ANKRD31: variants seen among roughly 807,000 people sequenced by gnomAD.
ANKRD31 encodes the protein ankyrin repeat domain-containing protein 31.
ANKRD31 carries 147 observed loss-of-function variants against 186.0 expected under a neutral mutation model. That is an observed-to-expected ratio of 0.79 (90% CI 0.69 to 0.91). The LOEUF (loss-of-function observed/expected upper bound fraction) is 0.91, where lower values mean the gene tolerates loss of function less well. Among genes scored for constraint, ANKRD31 ranks in the 40% least tolerant of loss-of-function variants. ANKRD31 has a pLI of 0.00. For synonymous variants in ANKRD31, 673 were observed against 736.4 expected (o/e 0.91, Z 1.39); for missense variants, 1,986 against 2,148.8 (o/e 0.92, Z 1.50).
chr5:75,137,027 G>C (rs528862548), intron 17 of ANKRD31, among the ~76,000 whole-genome samples: 4 of 152,038 alleles, frequency 2.6e-5, no homozygotes, highest in South Asian at 2.1e-4. Context: ...GTGGGGGTAG[G>C]GGGGAGGGAT....
chr5:75,137,413 AAAAC>A (rs1313442311), intron 17 of ANKRD31, among the ~76,000 whole-genome samples: 1 of 152,176 alleles, frequency 6.6e-6, no homozygotes, highest in Non-Finnish European at 1.5e-5. Context: ...TTGATAAAGA[AAAAC>A]AAAAGAGAAA....
At chr5:75,072,332 G>A (rs4704170) in intron 25 of ANKRD31, among the ~76,000 whole-genome samples, 14,849 of 151,706 alleles carry the variant, frequency 0.098, 756 homozygotes, top group East Asian at 0.14. Flanking sequence ...GCTCCTTAAG[G>A]GGACAGACAG....
At position 75,084,308 on chromosome 5, in the gene ANKRD31, T is replaced by C. The variant is rs963721806; in HGVS notation, c.5539A>G (p.Asn1847Asp). 3.3e-6 allele frequency: 5 copies of C among 1,537,024 alleles called. No individual in the cohort carries two copies. In the Middle Eastern group the frequency reaches 6.7e-4, roughly 205 times the overall value. Residue 1847 changes from asparagine (N) to aspartate (D), a missense_variant, in exon 24 of 26, where the codon AAC becomes GAC. By Grantham distance (23) the Asn-to-Asp change is conservative. Transcript: ENST00000506364. ...GGTTGATATTGCTGAGGTACTGAGTTTGGTTCTGGAAGTATGGGTGCATCC... is the reference window on the plus strand; with the variant it reads ...GGTTGATATTGCTGAGGTACTGAGTCTGGTTCTGGAAGTATGGGTGCATCC... ...SEDAPILPEPNSVPQQYQPCL... is the reference protein window; with the variant it reads ...SEDAPILPEPDSVPQQYQPCL...
At chr5:75,147,527 T>G (rs1013077349) in intron 13 of ANKRD31, 22 bp from the exon 14 acceptor site, 6 of 1,368,874 alleles carry the variant, frequency 4.4e-6, no homozygotes, top group Non-Finnish European at 5.7e-6. Flanking sequence ...AAATACATAG[T>G]TAGCTTTAAT....
intron 11 of ANKRD31, among the ~76,000 whole-genome samples, chr5:75,161,078 C>A (rs1752544173): frequency 6.6e-6 from 1 of 152,056 alleles, no homozygotes; most frequent in Non-Finnish European, 1.5e-5. Flanking sequence ...TGAAAAGATA[C>A]CTGAAAATGT....
chr5:75,102,634 G>T (rs1175852777), intron 22 of ANKRD31, among the ~76,000 whole-genome samples: 1 of 152,204 alleles, frequency 6.6e-6, no homozygotes, highest in Non-Finnish European at 1.5e-5. Context: ...AGCAATGGCG[G>T]ACGCCACTCC....
intron 6 of ANKRD31, 59 bp from the exon 7 acceptor site, chr5:75,196,259 G>A (rs958611643): frequency 2.4e-6 from 3 of 1,254,258 alleles, no homozygotes; most frequent in Middle Eastern, 2.6e-4. Context: ...TATTTAAAAT[G>A]AAAACTTTAT....
At chr5:75,177,911 A>G (rs1753944248) in intron 10 of ANKRD31, among the ~76,000 whole-genome samples, 1 of 152,216 alleles carries the variant, frequency 6.6e-6, no homozygotes, top group South Asian at 2.1e-4. Flanking sequence ...AATGGGCTAA[A>G]TGCTCCAATT....
intron 25 of ANKRD31, among the ~76,000 whole-genome samples, chr5:75,069,441 T>G (rs183997484): frequency 1.0e-3 from 81 of 81,134 alleles, no homozygotes; most frequent in Non-Finnish European, 1.5e-3. Context: ...ACCTCCTGAT[T>G]TGCTTAGATC....
At chr5:75,086,748 C>T (rs961208998) in intron 23 of ANKRD31, among the ~76,000 whole-genome samples, 1 of 152,174 alleles carries the variant, frequency 6.6e-6, no homozygotes, top group African/African-American at 2.4e-5. Flanking sequence ...GTGTTTTGTC[C>T]TAAGGCCACT....
intron 17 of ANKRD31, among the ~76,000 whole-genome samples, chr5:75,131,126 C>G (rs946779781): frequency 2.6e-5 from 4 of 152,164 alleles, no homozygotes; most frequent in African/African-American, 9.7e-5. Context: ...CCCGTGAGCA[C>G]CACACGCAGC....
intron 20 of ANKRD31, 77 bp downstream of exon 20, chr5:75,112,436 T>C (rs1747862830): frequency 1.0e-6 from 1 of 986,428 alleles, no homozygotes; most frequent in South Asian, 1.8e-5. Flanking sequence ...TTTGTGAGCT[T>C]TGAAATAAAT....
Position 75,112,570 on chromosome 5 carries a change from T to C in ANKRD31, c.4186A>G (p.Ile1396Val), listed in dbSNP as rs1178486356. Residue 1396 changes from isoleucine (I) to valine (V), a missense_variant, in exon 20 of 26, where the codon ATA (isoleucine) becomes GTA (valine). By Grantham distance (29) the Ile-to-Val change is conservative. Coordinates refer to ENST00000506364, the MANE Select transcript of ANKRD31 (RefSeq NM_001372053.1). ...AATAAATATTCTTGTTTTTCTTCTA[T>C]ATCTTGTAGAATGGCACTGAGGGTC... ...HQTLSAILQDIEEKQEYLLEF... is the reference protein window; with the variant it reads ...HQTLSAILQDVEEKQEYLLEF... 3.3e-6 allele frequency: 5 copies of C among 1,525,848 alleles called. No individual in the cohort carries two copies. The highest frequency in any genetic ancestry group is 2.0e-5 in the Admixed American group (1 of 50,380). 94.5% of individuals were successfully genotyped at this position (1,525,848 alleles called of 1,614,324 possible).
In ANKRD31 at chr5:75,112,641, A is replaced by G. The variant is rs746378765; in HGVS notation, c.4156-41T>C. 3 of 1,268,330 alleles carry G rather than the reference A, an allele frequency of 2.4e-6. No individual in the cohort carries two copies. The South Asian group carries it at 4.3e-5, about 18-fold the overall frequency. 78.6% of individuals were successfully genotyped at this position (1,268,330 alleles called of 1,614,324 possible). A position where few individuals can be genotyped will look rare whatever the true frequency, so the allele number is the denominator to read the frequency against. On this transcript the variant is annotated intron_variant, in intron 19 of 25. Transcript: ENST00000506364. ...ATTTGAAACTTCATTATAAAGGGGT[A>G]GATATGCTCTCTGATATGCCATTGA...
At chr5:75,172,864 G>C (rs1753456980) in intron 10 of ANKRD31, among the ~76,000 whole-genome samples, 1 of 152,118 alleles carries the variant, frequency 6.6e-6, no homozygotes, top group Non-Finnish European at 1.5e-5. Context: ...AGAAAAAAAG[G>C]GAATCTTCCC....
intron 10 of ANKRD31, among the ~76,000 whole-genome samples, chr5:75,174,906 G>A (rs1395633384): frequency 6.6e-6 from 1 of 152,190 alleles, no homozygotes. Flanking sequence ...TGTAAATCAT[G>A]CTACTATAAA....
At chr5:75,180,518 A>C (rs575655642) in intron 10 of ANKRD31, among the ~76,000 whole-genome samples, 5 of 152,300 alleles carry the variant, frequency 3.3e-5, no homozygotes, top group Admixed American at 3.3e-4. Context: ...ACAGCATGGT[A>C]CTGGTACCAA....
intron 19 of ANKRD31, among the ~76,000 whole-genome samples, chr5:75,113,569 T>C (rs1053173331): frequency 6.6e-6 from 1 of 152,184 alleles, no homozygotes; most frequent in Admixed American, 6.5e-5. Context: ...TGACGGATGG[T>C]TTGACTCACA....
intron 13 of ANKRD31, 85 bp downstream of exon 13, chr5:75,148,491 C>T: frequency 1.1e-6 from 1 of 907,110 alleles, no homozygotes; most frequent in Non-Finnish European, 1.6e-6. Context: ...AAAGCTTCAG[C>T]AGTCTTTCTC....
Sources: gnomAD v4.1 joint callset for allele counts (sites outside exome capture counted in the v4.1 genomes callset) on GRCh38, gnomAD v4.1.1 for gene constraint, MANE v1.5 for transcripts, NCBI Gene and HGNC (gene_info 2026-07-23, HGNC 2026-07-21) for gene names.